Variants in GALNT2 observed in about 807,000 individuals in gnomAD.
GALNT2 encodes the protein polypeptide N-acetylgalactosaminyltransferase 2.
A neutral mutation model predicts 81.4 loss-of-function variants in GALNT2; 31 were observed. The observed-to-expected ratio is 0.38, with a 90% CI of 0.29 to 0.51. The LOEUF is 0.51. GALNT2 is among the 20% of genes least tolerant of loss of function. GALNT2 has a pLI of 0.87. For synonymous variants in GALNT2, 303 were observed against 287.4 expected, an observed-to-expected ratio of 1.05 and a Z score of -0.55; for missense variants, 629 against 765.7, an observed-to-expected ratio of 0.82 and a Z score of 2.11.
At position 230,275,369 on chromosome 1, in the gene GALNT2, C is replaced by T. The variant is rs1473953916; in HGVS notation, c.1560+805C>T. 1.3e-5 allele frequency among the ~76,000 whole-genome samples: 2 copies of T among 149,454 alleles called. No individual in the cohort carries two copies. Among genetic ancestry groups the T allele is most frequent in the Non-Finnish European group, 3.0e-5 (2 of 67,292 alleles). On this transcript the variant is annotated intron_variant, in intron 15 of 15. Transcript: ENST00000366672. This position sits in a 1 kb window ranked among gnomAD's most constrained non-coding sequence, Gnocchi z 5.5. The stretch of plus-strand genomic sequence containing the variant: ...ATATATATACATGCCACATATACAT[C>T]TATAAACACCACATGTATACACGCC...
At chr1:230,068,418 G>C (rs978791818) in intron 1 of GALNT2, among the ~76,000 whole-genome samples, 4 of 152,222 alleles carry the variant, frequency 2.6e-5, no homozygotes, top group African/African-American at 9.6e-5. Context: ...CTGGCTCCTC[G>C]GCTTTGAAAG....
At chr1:230,197,469 G>A (rs1444825155) in intron 2 of GALNT2, among the ~76,000 whole-genome samples, 5 of 152,220 alleles carry the variant, frequency 3.3e-5, no homozygotes, top group Middle Eastern at 3.2e-3. Context: ...CCTCATGGGT[G>A]TCACAGAGGG....
chr1:230,259,314 A>G (rs1487206495), intron 11 of GALNT2, among the ~76,000 whole-genome samples: 2 of 152,228 alleles, frequency 1.3e-5, no homozygotes, highest in Non-Finnish European at 2.9e-5. Flanking sequence ...TGTTTGTTTT[A>G]TATAGACCTT....
chr1:230,249,413 T>C (rs1199713715), intron 9 of GALNT2, 142 bp downstream of exon 9: 2 of 645,258 alleles, frequency 3.1e-6, no homozygotes, highest in African/African-American at 3.7e-5. Context: ...AGCTCAAAGA[T>C]GAGCACCTTC....
At chr1:230,244,901 TG>T (rs1402250252) in intron 7 of GALNT2, among the ~76,000 whole-genome samples, 1 of 151,582 alleles carries the variant, frequency 6.6e-6, no homozygotes, top group Non-Finnish European at 1.5e-5. Context: ...TGATGTAGTA[TG>T]TTCTTAGCTC....
intron 2 of GALNT2, among the ~76,000 whole-genome samples, chr1:230,188,199 A>T (rs763763484): frequency 7.2e-5 from 11 of 152,210 alleles, no homozygotes; most frequent in Non-Finnish European, 1.3e-4. Flanking sequence ...AGATTGTCTT[A>T]TGTGGCCCCA....
intron 2 of GALNT2, among the ~76,000 whole-genome samples, chr1:230,185,301 T>TGTGCGCGCGC (rs58770415): frequency 0.043 from 5,399 of 125,826 alleles, 157 homozygotes; most frequent in East Asian, 0.09. Context: ...TGTGTGTGTG[T>TGTGCGCGCGC]GCGCGCGTGT....
At chr1:230,135,793 C>A (rs1661518897) in intron 1 of GALNT2, among the ~76,000 whole-genome samples, 1 of 152,068 alleles carries the variant, frequency 6.6e-6, no homozygotes, top group South Asian at 2.1e-4. Context: ...TCAAGCAATC[C>A]TCTTGCTTCA....
intron 1 of GALNT2, among the ~76,000 whole-genome samples, chr1:230,162,323 T>C (rs1662461059): frequency 6.6e-6 from 1 of 152,218 alleles, no homozygotes; most frequent in African/African-American, 2.4e-5. Flanking sequence ...ATACACTCTT[T>C]CTCATCCTCT....
chr1:230,274,344 AC>A, intron 14 of GALNT2, 100 bp from the exon 15 acceptor site: 1 of 1,471,228 alleles, frequency 6.8e-7, no homozygotes, highest in Non-Finnish European at 9.2e-7. Flanking sequence ...TCTAAGCTCC[AC>A]CCCGTGACCC....
Position 230,257,472 on chromosome 1 carries a change from T to TA in GALNT2, c.1136+2129dup, listed in dbSNP as rs1490086550. Among the ~76,000 whole-genome samples the TA allele has an allele frequency of 6.6e-6, 1 of 152,228 alleles. No homozygotes were observed. Among genetic ancestry groups the TA allele is most frequent in the Non-Finnish European group, 1.5e-5 (1 of 68,038 alleles). On this transcript the variant is annotated intron_variant, in intron 11 of 15. Transcript: ENST00000366672. This position sits in a 1 kb window ranked among gnomAD's most constrained non-coding sequence, Gnocchi z 4.6. Reference sequence around the variant, plus strand: ...TTCTTTGTTTAGATACACAAATACTTACCATTGTGTTACAGTTTCCTCCAG... The same window carrying TA: ...TTCTTTGTTTAGATACACAAATACTTAACCATTGTGTTACAGTTTCCTCCAG...
At chr1:230,185,553 T>TAA (rs113722035) in intron 2 of GALNT2, among the ~76,000 whole-genome samples, 3,405 of 152,278 alleles carry the variant, frequency 0.022, 117 homozygotes, top group African/African-American at 0.076. Flanking sequence ...TAGGTGATAC[T>TAA]AAAGTCTAGC....
At chr1:230,184,411 G>T (rs555371921) in intron 2 of GALNT2, among the ~76,000 whole-genome samples, 1 of 151,896 alleles carries the variant, frequency 6.6e-6, no homozygotes, top group Non-Finnish European at 1.5e-5. Context: ...GGATGGTCTC[G>T]ATCTCCTGAC....
chr1:230,179,975 A>G (rs1040762658), intron 2 of GALNT2, among the ~76,000 whole-genome samples: 3 of 152,192 alleles, frequency 2.0e-5, no homozygotes, highest in African/African-American at 4.8e-5. Context: ...GCTGGAGTGC[A>G]GTGGTGAAAT....
At chr1:230,259,611 A>T (rs1476139079) in intron 11 of GALNT2, 1 of 152,070 alleles carries the variant, frequency 6.6e-6, no homozygotes, top group East Asian at 1.9e-4. Context: ...ATCTGGAGGG[A>T]GCTGGGGACT....
At chr1:230,207,099 G>A (rs544736717) in intron 3 of GALNT2, among the ~76,000 whole-genome samples, 1 of 152,022 alleles carries the variant, frequency 6.6e-6, no homozygotes, top group South Asian at 2.1e-4. Context: ...ATCCAGGGTT[G>A]TTATTCAGAC....
intron 1 of GALNT2, 50 bp downstream of exon 1, chr1:230,067,456 C>T: frequency 2.7e-6 from 2 of 734,498 alleles, no homozygotes; most frequent in Middle Eastern, 4.8e-4. Context: ...ACCCCCCACC[C>T]TGCGCCCCTG....
intron 1 of GALNT2, among the ~76,000 whole-genome samples, chr1:230,061,638 T>C (rs1047554385): frequency 6.6e-6 from 1 of 152,178 alleles, no homozygotes; most frequent in South Asian, 2.1e-4. Context: ...GAGAACACTA[T>C]CATGTTTCCA....
At chr1:230,110,619 T>C (rs1660671513) in intron 1 of GALNT2, among the ~76,000 whole-genome samples, 1 of 152,194 alleles carries the variant, frequency 6.6e-6, no homozygotes, top group Non-Finnish European at 1.5e-5. Context: ...GCAGAACTAC[T>C]CACTGCTGCT....
Sources: allele counts gnomAD v4.1 joint callset (sites outside exome capture counted in the v4.1 genomes callset), GRCh38; gene constraint gnomAD v4.1.1; non-coding constraint Gnocchi (gnomAD v3.1); transcripts MANE v1.5; gene names NCBI Gene and HGNC (gene_info 2026-07-23, HGNC 2026-07-21).